The following SLC24A3 variants were observed in gnomAD, a reference collection of about 807,000 sequenced individuals.
SLC24A3 encodes the protein sodium/potassium/calcium exchanger 3.
SLC24A3 carries 28 observed loss-of-function variants against 75.8 expected under a neutral mutation model. That is an observed-to-expected ratio of 0.37 (90% confidence interval 0.27 to 0.51). The LOEUF (loss-of-function observed/expected upper bound fraction) is 0.51, where lower values mean the gene tolerates loss of function less well. SLC24A3 is among the 20% of genes least tolerant of loss of function. The probability of loss-of-function intolerance (pLI) is 0.94; values close to 1 mark genes in which losing one functional copy is unlikely to be tolerated. For missense variants in SLC24A3, 663 were observed against 847.8 expected (o/e 0.78, Z 2.71); for synonymous variants, 372 against 334.1 (o/e 1.11, Z -1.24).
chr20:19,676,081 A>G (rs1469415469), intron 9 of SLC24A3, among the ~76,000 whole-genome samples: 1 of 152,212 alleles, frequency 6.6e-6, no homozygotes, highest in African/African-American at 2.4e-5. Context: ...TCATGAAAGT[A>G]TGTTTCAAAA....
chr20:19,711,667 G>C (rs2032995127), intron 15 of SLC24A3, among the ~76,000 whole-genome samples: 1 of 151,818 alleles, frequency 6.6e-6, no homozygotes, highest in African/African-American at 2.4e-5. Flanking sequence ...TTCGACAAGA[G>C]TTTCACTCTG....
intron 1 of SLC24A3, among the ~76,000 whole-genome samples, chr20:19,274,848 G>A (rs1370775730): frequency 6.6e-6 from 1 of 152,210 alleles, no homozygotes; most frequent in African/African-American, 2.4e-5. Context: ...GACCCGGGTT[G>A]TACAGAGTGG....
chr20:19,697,043 G>A (rs2032817003), intron 14 of SLC24A3, 132 bp downstream of exon 14: 2 of 625,400 alleles, frequency 3.2e-6, no homozygotes, highest in Non-Finnish European at 5.6e-6. Flanking sequence ...AGGAAAGAGG[G>A]AGGGAGGGAG....
At chr20:19,662,936 G>A (rs957505505) in intron 7 of SLC24A3, among the ~76,000 whole-genome samples, 44 of 152,310 alleles carry the variant, frequency 2.9e-4, no homozygotes, top group African/African-American at 1.1e-3. Context: ...TCTGCAAACA[G>A]CGCCAGTCCT....
chr20:19,499,318 A>G (rs1278334514), intron 2 of SLC24A3, among the ~76,000 whole-genome samples: 1 of 152,212 alleles, frequency 6.6e-6, no homozygotes, highest in Non-Finnish European at 1.5e-5. Context: ...AATTTATTTC[A>G]CACAGTTCTG....
chr20:19,334,584 C>T (rs767084926), intron 2 of SLC24A3, among the ~76,000 whole-genome samples: 2 of 152,122 alleles, frequency 1.3e-5, no homozygotes, highest in African/African-American at 4.8e-5. Flanking sequence ...GACTGTCTTA[C>T]AATTTGTGAA....
intron 2 of SLC24A3, among the ~76,000 whole-genome samples, chr20:19,484,167 G>A (rs1332139228): frequency 1.3e-5 from 2 of 152,136 alleles, no homozygotes. Flanking sequence ...GAAGTATTTT[G>A]AATTTTGGAT....
chr20:19,685,201 C>T lies in SLC24A3; in HGVS notation c.1164C>T (p.Ser388=). The T allele has an allele frequency of 6.2e-7, 1 of 1,614,170 alleles. No individual in the cohort carries two copies. Among genetic ancestry groups the T allele is most frequent in the Non-Finnish European group, 8.5e-7 (1 of 1,180,032 alleles). Residue 388 remains serine, a synonymous_variant, in exon 12 of 17, where the codon AGC becomes AGT. Transcript: ENST00000328041. ...CCGTGGAGAATGGGACAGGGCCCAG[C>T]AGTGCCCCAGACAGGGGCGTGAATG... is the stretch of plus-strand genomic sequence containing the variant. ...KHTVENGTGP[S]SAPDRGVNGT...
chr20:19,334,443 ATTCTG>A (rs1985079660), intron 2 of SLC24A3, among the ~76,000 whole-genome samples: 1 of 152,200 alleles, frequency 6.6e-6, no homozygotes, highest in Admixed American at 6.5e-5. Context: ...AAAAAAAAGA[ATTCTG>A]TAATGTAAGG....
intron 7 of SLC24A3, among the ~76,000 whole-genome samples, chr20:19,665,545 GC>G (rs1328183232): frequency 1.3e-5 from 2 of 152,168 alleles, no homozygotes; most frequent in African/African-American, 4.8e-5. Flanking sequence ...GCTTTACAAA[GC>G]AGGTTAGTCA....
chr20:19,565,442 T>C (rs1209348061), intron 3 of SLC24A3, among the ~76,000 whole-genome samples: 2 of 152,056 alleles, frequency 1.3e-5, no homozygotes, highest in Non-Finnish European at 2.9e-5. Context: ...TTGATTGGTA[T>C]AGTAGTAGGA....
intron 2 of SLC24A3, among the ~76,000 whole-genome samples, chr20:19,424,759 A>C (rs1303333285): frequency 5.4e-4 from 67 of 124,568 alleles, no homozygotes; most frequent in South Asian, 8.1e-4. Context: ...AAAAAAAAAA[A>C]AAAAAAAAAA....
At chr20:19,222,552 A>G (rs1044652939) in intron 1 of SLC24A3, among the ~76,000 whole-genome samples, 27 of 152,174 alleles carry the variant, frequency 1.8e-4, no homozygotes, top group African/African-American at 6.3e-4. Context: ...GAAAAGACCT[A>G]GTTACTTCTG....
chr20:19,646,841 C>G (rs186120538), intron 6 of SLC24A3, among the ~76,000 whole-genome samples: 43 of 144,686 alleles, frequency 3.0e-4, no homozygotes, highest in Middle Eastern at 3.5e-3. Context: ...TTACAAAACT[C>G]TGTGTGTGTG....
At chr20:19,396,204 C>A (rs1422043485) in intron 2 of SLC24A3, among the ~76,000 whole-genome samples, 1 of 152,106 alleles carries the variant, frequency 6.6e-6, no homozygotes, top group Non-Finnish European at 1.5e-5. Flanking sequence ...TGTTGCCTTT[C>A]CAATTGGTGC....
chr20:19,424,745 CAAAAAA>C (rs528342351), intron 2 of SLC24A3, among the ~76,000 whole-genome samples: 11 of 49,148 alleles, frequency 2.2e-4, no homozygotes, highest in South Asian at 9.7e-4. Flanking sequence ...AAAACAACAA[CAAAAAA>C]AAAAAAAAAA....
intron 2 of SLC24A3, among the ~76,000 whole-genome samples, chr20:19,504,682 C>T (rs1988437237): frequency 6.6e-6 from 1 of 152,176 alleles, no homozygotes; most frequent in Admixed American, 6.5e-5. Flanking sequence ...GACCCTAGGT[C>T]ATCCATTCAA....
At chr20:19,512,208 C>T (rs1222087337) in intron 2 of SLC24A3, among the ~76,000 whole-genome samples, 1 of 152,192 alleles carries the variant, frequency 6.6e-6, no homozygotes, top group Non-Finnish European at 1.5e-5. Context: ...GGAGAGCAGA[C>T]CAAGATCAGG....
At chr20:19,493,545 T>A (rs1988236660) in intron 2 of SLC24A3, among the ~76,000 whole-genome samples, 1 of 152,182 alleles carries the variant, frequency 6.6e-6, no homozygotes, top group Non-Finnish European at 1.5e-5. Flanking sequence ...TATTGACTAT[T>A]TTCTGCATTC....
Sources: allele counts gnomAD v4.1 joint callset (sites outside exome capture counted in the v4.1 genomes callset), GRCh38; gene constraint gnomAD v4.1.1; transcripts MANE v1.5; gene names NCBI Gene and HGNC (gene_info 2026-07-23, HGNC 2026-07-21).